Variants in TSHZ2 observed in about 807,000 individuals in gnomAD.
The protein encoded by TSHZ2 is teashirt zinc finger homeobox 2.
A neutral mutation model predicts 74.4 loss-of-function variants in TSHZ2; 21 were observed. The observed-to-expected ratio is 0.28, with a 90% CI of 0.20 to 0.41. The LOEUF (loss-of-function observed/expected upper bound fraction) is 0.41. Ranked by LOEUF, TSHZ2 falls within the 10% of genes least tolerant of loss-of-function variation. The pLI is 1.00. For missense variants in TSHZ2, 1,244 were observed against 1,293.5 expected, an observed-to-expected ratio of 0.96 and a Z score of 0.59; for synonymous variants, 540 against 515.3, an observed-to-expected ratio of 1.05 and a Z score of -0.65.
chr20:53,261,130 C>T (rs184196085), intron 2 of TSHZ2, among the ~76,000 whole-genome samples: 1 of 152,308 alleles, frequency 6.6e-6, no homozygotes, highest in Non-Finnish European at 1.5e-5. Flanking sequence ...TTGGTTTCCT[C>T]CTCCTTGCCT....
At chr20:53,288,787 T>A (rs566633499) in intron 2 of TSHZ2, among the ~76,000 whole-genome samples, 1 of 152,302 alleles carries the variant, frequency 6.6e-6, no homozygotes, top group South Asian at 2.1e-4. Context: ...AGGAAGGCTA[T>A]TTTATTTATT....
chr20:53,067,820 T>A (rs986697794), intron 1 of TSHZ2, among the ~76,000 whole-genome samples: 7 of 152,190 alleles, frequency 4.6e-5, no homozygotes, highest in Admixed American at 1.3e-4. Context: ...ACTGGGTGGC[T>A]TAAAATCACA....
chr20:52,992,680 G>T (rs1463351826), intron 1 of TSHZ2, among the ~76,000 whole-genome samples: 2 of 152,194 alleles, frequency 1.3e-5, no homozygotes, highest in Non-Finnish European at 2.9e-5. Context: ...TGAAAGGAAG[G>T]TGGAAAAGTT....
intron 1 of TSHZ2, among the ~76,000 whole-genome samples, chr20:53,061,788 G>A (rs778538454): frequency 2.0e-5 from 3 of 152,152 alleles, no homozygotes; most frequent in Non-Finnish European, 4.4e-5. Context: ...TGTTTTTTAT[G>A]TATGATTTAA....
chr20:53,437,817 T>TA (rs1025015199), intron 2 of TSHZ2, among the ~76,000 whole-genome samples: 22 of 152,278 alleles, frequency 1.4e-4, no homozygotes, highest in African/African-American at 4.1e-4. Context: ...CGGCTGACTG[T>TA]AAAAAAAGTG....
chr20:53,201,794 T>C (rs1398470553), intron 1 of TSHZ2, among the ~76,000 whole-genome samples: 1 of 152,164 alleles, frequency 6.6e-6, no homozygotes, highest in Non-Finnish European at 1.5e-5. Context: ...GTTAAATGTT[T>C]GGCAGCATCC....
At chr20:53,005,415 T>C (rs559503839) in intron 1 of TSHZ2, among the ~76,000 whole-genome samples, 2 of 151,596 alleles carry the variant, frequency 1.3e-5, no homozygotes, top group South Asian at 4.2e-4. Flanking sequence ...TGTCCTGCCA[T>C]CTGAACTCTT....
At chr20:53,229,633 A>G (rs1737937919) in intron 1 of TSHZ2, among the ~76,000 whole-genome samples, 1 of 152,118 alleles carries the variant, frequency 6.6e-6, no homozygotes, top group Admixed American at 6.5e-5. Context: ...TTAAGGGTTT[A>G]GAAGCCTCTT....
chr20:53,404,764 A>C (rs1376245565), intron 2 of TSHZ2, among the ~76,000 whole-genome samples: 2 of 152,224 alleles, frequency 1.3e-5, no homozygotes, highest in African/African-American at 4.8e-5. Context: ...TAATCATCCA[A>C]GTCCAAGACT....
intron 1 of TSHZ2, among the ~76,000 whole-genome samples, chr20:53,016,259 C>T (rs187519259): frequency 6.6e-6 from 1 of 152,276 alleles, no homozygotes; most frequent in Admixed American, 6.5e-5. Context: ...CTCCTCCCTT[C>T]CCCTCCCCAC....
In TSHZ2 at chr20:53,026,024, A is replaced by G. The variant is rs371339201; in HGVS notation, c.40+52691A>G. ...TGTCTGGCTGGTAGGTGTCCCATGT[A>G]CCCAACAAGTGCTCTTTGTCATTTG... On this transcript the variant is annotated intron_variant, in intron 1 of 2. Transcript: ENST00000371497. Among the ~76,000 whole-genome samples, 114 of 152,232 alleles carry G rather than the reference A, an allele frequency of 7.5e-4. 1 individual carries two copies. The South Asian group carries it at 0.023, about 30-fold the overall frequency.
At chr20:53,008,980 C>CCCCT (rs1226250631) in intron 1 of TSHZ2, among the ~76,000 whole-genome samples, 12 of 130,482 alleles carry the variant, frequency 9.2e-5, no homozygotes, top group African/African-American at 3.8e-4. Flanking sequence ...TTGTCTTTCT[C>CCCCT]CTCTCTCTCT....
At chr20:53,079,524 A>G (rs1054191053) in intron 1 of TSHZ2, among the ~76,000 whole-genome samples, 1 of 152,224 alleles carries the variant, frequency 6.6e-6, no homozygotes, top group Non-Finnish European at 1.5e-5. Context: ...TATTGGGAAT[A>G]CAGAAAGGAA....
At chr20:53,024,959 G>T (rs984637610) in intron 1 of TSHZ2, among the ~76,000 whole-genome samples, 1 of 152,054 alleles carries the variant, frequency 6.6e-6, no homozygotes, top group Non-Finnish European at 1.5e-5. Context: ...ATAGACATAC[G>T]TGTGCATGTA....
chr20:53,273,928 C>A (rs529038706), intron 2 of TSHZ2, among the ~76,000 whole-genome samples: 1 of 152,140 alleles, frequency 6.6e-6, no homozygotes, highest in East Asian at 1.9e-4. Context: ...CTGGACCACC[C>A]GGACTCCCAA....
intron 2 of TSHZ2, among the ~76,000 whole-genome samples, chr20:53,429,928 G>A (rs972102664): frequency 8.5e-5 from 13 of 152,170 alleles, no homozygotes; most frequent in Admixed American, 4.6e-4. Flanking sequence ...GCAGGATGTA[G>A]CAGTATCCTT....
At chr20:53,062,255 A>G (rs1399755517) in intron 1 of TSHZ2, among the ~76,000 whole-genome samples, 2 of 152,214 alleles carry the variant, frequency 1.3e-5, no homozygotes, top group African/African-American at 2.4e-5. Flanking sequence ...AAATAAGACA[A>G]TCACCAGGAA....
intron 1 of TSHZ2, among the ~76,000 whole-genome samples, chr20:53,015,410 C>G (rs1448820659): frequency 6.6e-6 from 1 of 152,114 alleles, no homozygotes; most frequent in South Asian, 2.1e-4. Flanking sequence ...GTGTGTAGAA[C>G]CAGAGATGCT....
intron 2 of TSHZ2, among the ~76,000 whole-genome samples, chr20:53,264,872 T>G (rs1990679352): frequency 6.6e-6 from 1 of 152,056 alleles, no homozygotes. Flanking sequence ...CATGGCAGTG[T>G]GGAGGGCCAG....
Sources: gnomAD v4.1 joint callset for allele counts (sites outside exome capture counted in the v4.1 genomes callset) on GRCh38, gnomAD v4.1.1 for gene constraint, MANE v1.5 for transcripts, NCBI Gene and HGNC (gene_info 2026-07-23, HGNC 2026-07-21) for gene names.